ZBTB44: variants seen among roughly 807,000 people sequenced by gnomAD.
ZBTB44 encodes the protein zinc finger and BTB domain containing 44.
Under a neutral mutation model 54.0 loss-of-function variants are expected in ZBTB44, and 15 were observed. The observed-to-expected ratio is 0.28, with a 90% CI of 0.19 to 0.43. The LOEUF (loss-of-function observed/expected upper bound fraction) is 0.43. Ranked by LOEUF, ZBTB44 falls within the 20% of genes least tolerant of loss-of-function variation. The pLI is 1.00. For synonymous variants in ZBTB44, 230 were observed against 250.1 expected, an observed-to-expected ratio of 0.92 and a Z score of 0.76; for missense variants, 487 against 707.1, an observed-to-expected ratio of 0.69 and a Z score of 3.53.
chr11:130,262,714 G>A (rs975600293), intron 1 of ZBTB44, among the ~76,000 whole-genome samples: 1 of 150,432 alleles, frequency 6.6e-6, no homozygotes, highest in Non-Finnish European at 1.5e-5. Flanking sequence ...AGAAAGATGG[G>A]AAAAAGAAAA....
intron 1 of ZBTB44, among the ~76,000 whole-genome samples, chr11:130,307,459 AT>A (rs1484217870): frequency 6.6e-6 from 1 of 151,566 alleles, no homozygotes; most frequent in Non-Finnish European, 1.5e-5. Flanking sequence ...TTATTGTTTT[AT>A]CACATACCTA....
At chr11:130,269,147 G>C (rs574883156) in intron 1 of ZBTB44, among the ~76,000 whole-genome samples, 40 of 152,074 alleles carry the variant, frequency 2.6e-4, no homozygotes, top group African/African-American at 9.6e-4. Context: ...AAATTAGCTG[G>C]GAGTGGTGGT....
At chr11:130,259,592 G>A (rs1203123693) in intron 2 of ZBTB44, among the ~76,000 whole-genome samples, 1 of 152,112 alleles carries the variant, frequency 6.6e-6, no homozygotes, top group East Asian at 1.9e-4. Flanking sequence ...AGAAAATGTG[G>A]CACATGTACA....
chr11:130,304,026 ACACT>A (rs1942136442), intron 1 of ZBTB44, among the ~76,000 whole-genome samples: 1 of 152,198 alleles, frequency 6.6e-6, no homozygotes, highest in Admixed American at 6.5e-5. Context: ...AATTAATTTA[ACACT>A]CAATGTGGCC....
intron 1 of ZBTB44, among the ~76,000 whole-genome samples, chr11:130,284,271 C>T (rs949358390): frequency 2.6e-5 from 4 of 152,106 alleles, no homozygotes; most frequent in Middle Eastern, 3.2e-3. Context: ...ATAGGCAATA[C>T]GGACAAACAA....
chr11:130,264,953 CATT>C (rs1591985359), intron 1 of ZBTB44, among the ~76,000 whole-genome samples: 1 of 152,046 alleles, frequency 6.6e-6, no homozygotes, highest in Non-Finnish European at 1.5e-5. Flanking sequence ...CAAAATTTTT[CATT>C]ATTATTATAT....
At chr11:130,299,066 G>C (rs1036691122) in intron 1 of ZBTB44, among the ~76,000 whole-genome samples, 1 of 152,010 alleles carries the variant, frequency 6.6e-6, no homozygotes, top group Non-Finnish European at 1.5e-5. Flanking sequence ...CTGGGTAACA[G>C]AGTGAGACCC....
At chr11:130,245,494 G>A (rs1954602673) in intron 2 of ZBTB44, among the ~76,000 whole-genome samples, 1 of 152,112 alleles carries the variant, frequency 6.6e-6, no homozygotes, top group South Asian at 2.1e-4. Flanking sequence ...CCTATTTGAC[G>A]GTGCTCTGAA....
chr11:130,313,938 T>TGTG (rs1565346586), intron 1 of ZBTB44, among the ~76,000 whole-genome samples: 1 of 98,522 alleles, frequency 1.0e-5, no homozygotes, highest in Admixed American at 1.3e-4. Flanking sequence ...GTGTGTGTGT[T>TGTG]TGTGTGTGTG....
chr11:130,240,986 T>C (rs2136297284), intron 2 of ZBTB44, among the ~76,000 whole-genome samples: 1 of 152,352 alleles, frequency 6.6e-6, no homozygotes, highest in South Asian at 2.1e-4. Context: ...GGCTGTTTTA[T>C]ATAAACCGGG....
intron 1 of ZBTB44, among the ~76,000 whole-genome samples, chr11:130,262,362 C>A (rs1469676214): frequency 6.6e-6 from 1 of 152,168 alleles, no homozygotes; most frequent in African/African-American, 2.4e-5. Context: ...TGGTCTTGAA[C>A]TCCTGACCTC....
At chr11:130,286,651 A>G (rs1401921925) in intron 1 of ZBTB44, among the ~76,000 whole-genome samples, 1 of 152,258 alleles carries the variant, frequency 6.6e-6, no homozygotes, top group East Asian at 1.9e-4. Flanking sequence ...CACCTCATGC[A>G]TAATTAGGCT....
chr11:130,272,735 T>C (rs528518095), intron 1 of ZBTB44, among the ~76,000 whole-genome samples: 1 of 150,674 alleles, frequency 6.6e-6, no homozygotes, highest in African/African-American at 2.4e-5. Context: ...CTTTAACCTA[T>C]TTTGAGTTAT....
chr11:130,274,019 C>T (rs1038914014), intron 1 of ZBTB44, among the ~76,000 whole-genome samples: 3 of 151,220 alleles, frequency 2.0e-5, no homozygotes, highest in South Asian at 4.2e-4. Context: ...ACCCAGGAGG[C>T]GGAGGTTTCA....
chr11:130,259,504 A>G (rs938698556), intron 2 of ZBTB44, among the ~76,000 whole-genome samples: 7 of 152,210 alleles, frequency 4.6e-5, no homozygotes, highest in South Asian at 2.1e-4. Context: ...ACATGCGCAC[A>G]TATGTTTACT....
chr11:130,250,134 G>C (rs141580282), intron 2 of ZBTB44, among the ~76,000 whole-genome samples: 1 of 152,160 alleles, frequency 6.6e-6, no homozygotes. Context: ...CCCTGACAGC[G>C]CTAAAAAGGC....
chr11:130,231,018 GGCCTTAAGAAAGATA>G lies in ZBTB44; in HGVS notation c.*731_*745del, dbSNP rs1456542198. The G allele has an allele frequency of 6.6e-6, 1 of 151,964 alleles. No homozygotes were observed. The highest frequency in any genetic ancestry group is 1.5e-5 in the Non-Finnish European group (1 of 67,924). The allele number at this position is 151,964 out of a possible 1,614,324, so 9.4% of individuals were successfully genotyped here. A position where few individuals can be genotyped will look rare whatever the true frequency, so the allele number is the denominator to read the frequency against. ...TTAGATACCACAAAGTTACCCTCCT[GGCCTTAAGAAAGATA>G]GCTACGTTTAAGCACTCTAAACTGG... On this transcript the variant is annotated 3_prime_UTR_variant, in exon 8 of 8. Coordinates refer to ENST00000357899, the MANE Select transcript of ZBTB44 (RefSeq NM_001301098.2).
At chr11:130,288,557 A>G (rs1941115182) in intron 1 of ZBTB44, among the ~76,000 whole-genome samples, 1 of 152,112 alleles carries the variant, frequency 6.6e-6, no homozygotes, top group Admixed American at 6.6e-5. Flanking sequence ...GATCCCCAGG[A>G]GAGTCCTCAG....
chr11:130,297,905 A>G (rs528860910), intron 1 of ZBTB44, among the ~76,000 whole-genome samples: 43 of 152,326 alleles, frequency 2.8e-4, no homozygotes, highest in South Asian at 1.0e-3. Flanking sequence ...AGATAAAAGC[A>G]TTCTCAAATA....
Sources: gnomAD v4.1 joint callset for allele counts (sites outside exome capture counted in the v4.1 genomes callset) on GRCh38, gnomAD v4.1.1 for gene constraint, MANE v1.5 for transcripts, NCBI Gene and HGNC (gene_info 2026-07-23, HGNC 2026-07-21) for gene names.